TLL1: variants seen among roughly 807,000 people sequenced by gnomAD.
The protein encoded by TLL1 is tolloid like 1.
TLL1 carries 49 observed loss-of-function variants against 128.2 expected under a neutral mutation model. That is an observed-to-expected ratio of 0.38 (90% CI 0.30 to 0.48). TLL1 has a LOEUF of 0.48. Ranked by LOEUF, TLL1 falls within the 20% of genes least tolerant of loss-of-function variation. The pLI is 0.96. For synonymous variants in TLL1, 454 were observed against 418.8 expected (o/e 1.08, Z -1.03); for missense variants, 1,123 against 1,242.0 (o/e 0.90, Z 1.44).
intron 8 of TLL1, among the ~76,000 whole-genome samples, chr4:166,017,261 A>G (rs1380390574): frequency 1.3e-5 from 2 of 152,174 alleles, no homozygotes; most frequent in African/African-American, 4.8e-5. Context: ...GCTACAAAGA[A>G]CATGATTTCA....
chr4:165,912,247 T>C (rs1732568485), intron 1 of TLL1, among the ~76,000 whole-genome samples: 1 of 152,182 alleles, frequency 6.6e-6, no homozygotes, highest in African/African-American at 2.4e-5. Context: ...CCCATACACC[T>C]AGTTTCCTGA....
intron 12 of TLL1, among the ~76,000 whole-genome samples, chr4:166,051,550 A>C (rs1345737956): frequency 1.3e-5 from 2 of 152,108 alleles, no homozygotes; most frequent in Non-Finnish European, 2.9e-5. Context: ...AAATGACACA[A>C]ATAAAGTAAC....
intron 1 of TLL1, among the ~76,000 whole-genome samples, chr4:165,920,199 G>T (rs1256449613): frequency 6.6e-6 from 1 of 152,158 alleles, no homozygotes; most frequent in Non-Finnish European, 1.5e-5. Flanking sequence ...CATTGGAGTT[G>T]CTTTGCACGT....
Position 166,101,351 on chromosome 4 carries a change from G to A in TLL1, c.*475G>A, listed in dbSNP as rs1742279515. 5.8e-6 allele frequency: 1 copy of A among 173,738 alleles called. No individual in the cohort carries two copies. Among genetic ancestry groups the A allele is most frequent in the Non-Finnish European group, 1.2e-5 (1 of 81,378 alleles). 10.8% of individuals were successfully genotyped at this position (173,738 alleles called of 1,614,324 possible). A position where few individuals can be genotyped will look rare whatever the true frequency, so the allele number is the denominator to read the frequency against. ...AGTGTAAACCAGATCCATATAAGGT[G>A]AATGTGAAATGGGAGTCTTCTGAGG... On this transcript the variant is annotated 3_prime_UTR_variant, in exon 21 of 21. Coordinates refer to ENST00000061240, the MANE Select transcript of TLL1 (RefSeq NM_012464.5).
At chr4:165,902,634 G>T (rs969201042) in intron 1 of TLL1, among the ~76,000 whole-genome samples, 1 of 152,100 alleles carries the variant, frequency 6.6e-6, no homozygotes, top group Non-Finnish European at 1.5e-5. Flanking sequence ...GATGAGCTGT[G>T]TACCTCAGCT....
intron 1 of TLL1, among the ~76,000 whole-genome samples, chr4:165,942,014 A>T (rs1485767824): frequency 1.3e-5 from 2 of 152,228 alleles, no homozygotes; most frequent in East Asian, 3.9e-4. Flanking sequence ...TTCCTCAGAG[A>T]AACTCTAGAT....
chr4:166,098,474 T>A (rs1369331124), intron 19 of TLL1, among the ~76,000 whole-genome samples: 1 of 152,128 alleles, frequency 6.6e-6, no homozygotes, highest in African/African-American at 2.4e-5. Context: ...TGTATTTACC[T>A]TGAGCAACAA....
Position 165,912,226 on chromosome 4 carries a change from C to T in TLL1, c.169+38153C>T, listed in dbSNP as rs1181215879. Among the ~76,000 whole-genome samples the T allele has an allele frequency of 3.3e-5, 5 of 152,254 alleles. No individual in the cohort carries two copies. The South Asian group carries it at 6.2e-4, about 19-fold the overall frequency. ...TTGGAAGCACTGTTGCCTTGTTCAACAATCTAGGGACCCATACACCTAGTT... is the reference window on the plus strand; with the variant it reads ...TTGGAAGCACTGTTGCCTTGTTCAATAATCTAGGGACCCATACACCTAGTT... On this transcript the variant is annotated intron_variant, in intron 1 of 20. Transcript: ENST00000061240.
intron 10 of TLL1, among the ~76,000 whole-genome samples, chr4:166,041,314 T>C (rs866636292): frequency 0.015 from 2,318 of 150,558 alleles, 64 homozygotes; most frequent in African/African-American, 0.052. Flanking sequence ...CTTTTTTTTT[T>C]TTTTTGAAAT....
At chr4:165,973,546 T>C (rs1464697890) in intron 1 of TLL1, among the ~76,000 whole-genome samples, 1 of 152,140 alleles carries the variant, frequency 6.6e-6, no homozygotes, top group East Asian at 1.9e-4. Context: ...GATTTAACCC[T>C]TTTATTGGTT....
At chr4:166,008,085 C>T in intron 7 of TLL1, 37 bp downstream of exon 7, 1 of 1,485,102 alleles carries the variant, frequency 6.7e-7, no homozygotes, top group Non-Finnish European at 9.4e-7. Flanking sequence ...ACTTTTAATT[C>T]CTTTCCTCCA....
intron 2 of TLL1, among the ~76,000 whole-genome samples, chr4:165,991,772 C>T (rs755242504): frequency 6.6e-6 from 1 of 151,812 alleles, no homozygotes; most frequent in Non-Finnish European, 1.5e-5. Context: ...TTCAAGTTGT[C>T]GTCGTGGAAT....
intron 1 of TLL1, among the ~76,000 whole-genome samples, chr4:165,958,467 A>G (rs1417147378): frequency 1.4e-5 from 2 of 139,602 alleles, no homozygotes; most frequent in East Asian, 4.2e-4. Context: ...GCCAGTGATG[A>G]TGAGCATTTT....
At chr4:166,073,885 T>C (rs1024267739) in intron 16 of TLL1, among the ~76,000 whole-genome samples, 6 of 152,194 alleles carry the variant, frequency 3.9e-5, no homozygotes, top group Non-Finnish European at 7.4e-5. Context: ...ACAATTTGAA[T>C]TCAGCCTAAC....
At chr4:165,879,348 C>T (rs997582659) in intron 1 of TLL1, among the ~76,000 whole-genome samples, 2 of 152,102 alleles carry the variant, frequency 1.3e-5, no homozygotes, top group Non-Finnish European at 2.9e-5. Context: ...TTTTGAACAT[C>T]TTAGCAAATT....
intron 12 of TLL1, among the ~76,000 whole-genome samples, chr4:166,045,453 C>T (rs1739421174): frequency 6.6e-6 from 1 of 152,124 alleles, no homozygotes; most frequent in African/African-American, 2.4e-5. Context: ...TGTCTTCAAA[C>T]TATACCTCAT....
intron 1 of TLL1, among the ~76,000 whole-genome samples, chr4:165,955,121 C>T (rs1020836129): frequency 1.8e-4 from 27 of 151,942 alleles, no homozygotes; most frequent in Middle Eastern, 3.2e-3. Context: ...GCAAGGATTT[C>T]ATAATAGAGG....
chr4:165,873,540 G>C lies in TLL1; in HGVS notation c.-365G>C, dbSNP rs1199329815. ...CTGAGCCCGCGGGGCGCCGCTCGCCGAGCCGCGGCCGCGGGAAGTTCGGCA... is the reference window on the plus strand; with the variant it reads ...CTGAGCCCGCGGGGCGCCGCTCGCCCAGCCGCGGCCGCGGGAAGTTCGGCA... On this transcript the variant is annotated 5_prime_UTR_variant, in exon 1 of 21. Transcript: ENST00000061240. The C allele has an allele frequency of 6.2e-6, 1 of 161,010 alleles. No homozygotes were observed. The highest frequency in any genetic ancestry group is 1.3e-5 in the Non-Finnish European group (1 of 74,144). 10.0% of individuals were successfully genotyped at this position (161,010 alleles called of 1,614,324 possible).
chr4:165,915,079 A>G (rs1732719574), intron 1 of TLL1, among the ~76,000 whole-genome samples: 1 of 152,130 alleles, frequency 6.6e-6, no homozygotes, highest in Admixed American at 6.6e-5. Context: ...GTCTTTTTAT[A>G]TTACCTTTAT....
Sources: allele counts gnomAD v4.1 joint callset (sites outside exome capture counted in the v4.1 genomes callset), GRCh38; gene constraint gnomAD v4.1.1; transcripts MANE v1.5; gene names NCBI Gene and HGNC (gene_info 2026-07-23, HGNC 2026-07-21).